Variants in MIB2 observed in about 807,000 individuals in gnomAD.
The protein encoded by MIB2 is E3 ubiquitin-protein ligase MIB2.
MIB2 carries 78 observed loss-of-function variants against 96.6 expected under a neutral mutation model. The observed-to-expected ratio is 0.81, with a 90% CI of 0.67 to 0.97. MIB2 has a LOEUF of 0.97. Ranked by LOEUF, MIB2 falls within the 50% of genes least tolerant of loss-of-function variation. The probability of loss-of-function intolerance (pLI) is 0.00; values close to 1 mark genes in which losing one functional copy is unlikely to be tolerated. For missense variants in MIB2, 1,543 were observed against 1,424.0 expected (o/e 1.08, Z -1.35); for synonymous variants, 820 against 629.5 (o/e 1.30, Z -4.53).
rs1638703312 is a variant in MIB2 at position 1,630,469 on chromosome 1, C to T, written c.2807C>T (p.Ala936Val). 2 of 1,594,070 alleles carry T rather than the reference C, an allele frequency of 1.3e-6. No individual in the cohort carries two copies. The highest frequency in any genetic ancestry group is 1.3e-5 in the African/African-American group (1 of 74,376). The change falls in exon 20 of 20, where the codon GCG becomes GTG. Residue 936 changes from alanine to valine, a missense_variant. Coordinates refer to ENST00000355826, the MANE Select transcript of MIB2 (RefSeq NM_001170687.4). ...GHGACAPCGS[A>V]LSACPICRQP... ...GGCGCATGCGCCCCCTGCGGCTCCG[C>T]GCTCAGCGCCTGCCCCATCTGCCGC...
In MIB2 at chr1:1,626,935, G is replaced by A. The variant is rs943117674; in HGVS notation, c.1176G>A (p.Leu392=). The A allele has an allele frequency of 6.2e-7, 1 of 1,610,754 alleles. No homozygotes were observed. Among genetic ancestry groups the A allele is most frequent in the Non-Finnish European group, 8.5e-7 (1 of 1,179,520 alleles). Residue 392 remains leucine, a synonymous_variant, in exon 10 of 20, where the codon CTG becomes CTA. Coordinates refer to ENST00000355826, the MANE Select transcript of MIB2 (RefSeq NM_001170687.4). This position sits in a 1 kb window ranked among gnomAD's most constrained non-coding sequence, Gnocchi z 5.3. The part of the protein sequence containing the change: ...GQRWTFSPSC[L]VAYRPEEDAN... Reference sequence around the variant, plus strand: ...GGTGGACCTTCAGCCCCTCCTGCCTGGTGGCCTACCGGCCCGAGGAGGATG... The same window carrying A: ...GGTGGACCTTCAGCCCCTCCTGCCTAGTGGCCTACCGGCCCGAGGAGGATG...
At chr1:1,615,269 G>C, upstream of MIB2, 1 of 1,209,972 alleles carries the variant, frequency 8.3e-7, no homozygotes, top group Non-Finnish European at 1.1e-6. Flanking sequence ...CAGTGCCAGC[G>C]AGCGCGACGT....
In MIB2 at chr1:1,627,421, G is replaced by A. The variant is rs543582613; in HGVS notation, c.1500G>A (p.Thr500=). ...ACCTGCCGGACGACGAGGGCAACAC[G>A]GCACTGCACTACGCGGCCCTGGGGT... is the stretch of plus-strand genomic sequence containing the variant. The part of the protein sequence containing the change: ...GVDLPDDEGN[T]ALHYAALGNQ... Residue 500 remains threonine (T), a synonymous_variant, in exon 12 of 20, where the codon ACG becomes ACA. Coordinates refer to ENST00000355826, the MANE Select transcript of MIB2 (RefSeq NM_001170687.4). 51 of 1,612,540 alleles carry A rather than the reference G, an allele frequency of 3.2e-5. No individual in the cohort carries two copies. The East Asian group carries it at 7.4e-4, about 23-fold the overall frequency.
chr1:1,625,934 G>A lies in MIB2; in HGVS notation c.972+281G>A, dbSNP rs1644718101. The A allele has an allele frequency of 1.2e-5, 6 of 520,456 alleles. No individual in the cohort carries two copies. Among genetic ancestry groups the A allele is most frequent in the East Asian group, 3.2e-5 (1 of 31,114 alleles). The allele number at this position is 520,456 out of a possible 1,614,324, so 32.2% of individuals were successfully genotyped here. Reference sequence around the variant, plus strand: ...GACACCAGGAAGGCAGGACAGCTTCGTGGGCGGGAGGGAGGCGGCTGGGCT... The same window carrying A: ...GACACCAGGAAGGCAGGACAGCTTCATGGGCGGGAGGGAGGCGGCTGGGCT... On this transcript the variant is annotated intron_variant, in intron 8 of 19. Coordinates refer to ENST00000355826, the MANE Select transcript of MIB2 (RefSeq NM_001170687.4). This position sits in a 1 kb window ranked among gnomAD's most constrained non-coding sequence, Gnocchi z 5.0.
In MIB2 at chr1:1,628,174, C is replaced by T. The variant is rs755312692; in HGVS notation, c.1836C>T (p.His612=). Residue 612 remains histidine (H), a synonymous_variant, in exon 14 of 20, where the codon CAC becomes CAT. Coordinates refer to ENST00000355826, the MANE Select transcript of MIB2 (RefSeq NM_001170687.4). ...TLLHHASLKG[H]ALAVRKILAR... ...TGCACCATGCCTCCCTCAAGGGTCA[C>T]GCGCTGTGAGTGTGGGGTGGGCACA... The T allele has an allele frequency of 3.7e-6, 6 of 1,613,236 alleles. No individual in the cohort carries two copies. The highest frequency in any genetic ancestry group is 2.2e-5 in the South Asian group (2 of 91,086).
rs1220267888 is a variant in MIB2, at chr1:1,628,171, T to C, written c.1833T>C (p.Gly611=). The C allele has an allele frequency of 1.2e-6, 2 of 1,613,054 alleles. No homozygotes were observed. The highest frequency in any genetic ancestry group is 8.5e-7 in the Non-Finnish European group (1 of 1,179,944). The change falls in exon 14 of 20, where the codon GGT becomes GGC. Residue 611 remains glycine, a synonymous_variant. Coordinates refer to ENST00000355826, the MANE Select transcript of MIB2 (RefSeq NM_001170687.4). ...FTLLHHASLK[G]HALAVRKILA... ...TGCTGCACCATGCCTCCCTCAAGGG[T>C]CACGCGCTGTGAGTGTGGGGTGGGC... is the stretch of plus-strand genomic sequence containing the variant.
At chr1:1,623,319 C>G (rs944300164) in intron 2 of MIB2, 112 bp from the exon 3 acceptor site, 2 of 1,473,130 alleles carry the variant, frequency 1.4e-6, no homozygotes, top group South Asian at 2.7e-5. Flanking sequence ...TTGGGCCTCT[C>G]TGCTCTCCCG....
intron 19 of MIB2, among the ~76,000 whole-genome samples, chr1:1,629,947 G>A (rs1343798400): frequency 2.9e-5 from 3 of 103,142 alleles, no homozygotes; most frequent in Non-Finnish European, 5.9e-5. Context: ...CCCCAGCCCC[G>A]CTGGATTTCA....
rs956138036 is a variant in MIB2 at position 1,629,310 on chromosome 1, C to T, written c.2380C>T (p.Arg794Trp). 3.4e-6 allele frequency: 5 copies of T among 1,489,820 alleles called. No homozygotes were observed. Among genetic ancestry groups the T allele is most frequent in the African/African-American group, 2.9e-5 (2 of 68,048 alleles). The allele number at this position is 1,489,820 out of a possible 1,614,324, so 92.3% of individuals were successfully genotyped here. A position where few individuals can be genotyped will look rare whatever the true frequency, so the allele number is the denominator to read the frequency against. Residue 794 changes from arginine (R) to tryptophan (W), a missense_variant and splice_region_variant, in exon 17 of 20, where the codon CGG becomes TGG. Transcript: ENST00000355826. Reference sequence around the variant, plus strand: ...CCTTCAGGGCTGCGCCCAGCGCTTCCGGTGAGTCCGTGGACGGCGGGGATG... The same window carrying T: ...CCTTCAGGGCTGCGCCCAGCGCTTCTGGTGAGTCCGTGGACGGCGGGGATG... ...KALQGCAQRF[R>W]ERQAGGGAAP...
rs754607264 is a variant in MIB2 at position 1,625,597 on chromosome 1, C to T, written c.916C>T (p.Arg306Cys). 15 of 1,582,172 alleles carry T rather than the reference C, an allele frequency of 9.5e-6. No homozygotes were observed. Among genetic ancestry groups the T allele is most frequent in the East Asian group, 4.6e-5 (2 of 43,094 alleles). ...VHRITDRGDVRVQFNHETRWT... is the reference protein window; with the variant it reads ...VHRITDRGDVCVQFNHETRWT... ...TCGTATCACGGACCGCGGGGACGTG[C>T]GCGTGCAGTTCAACCACGAGACGCG... Residue 306 changes from arginine to cysteine, a missense_variant, in exon 8 of 20, where the codon CGC (arginine) becomes TGC (cysteine). Transcript: ENST00000355826. The surrounding 1 kb of genome is among the most constrained non-coding windows in gnomAD (Gnocchi z 5.0).
rs1221751113 is a variant in MIB2 at position 1,625,543 on chromosome 1, C to A, written c.865-3C>A. 1.9e-6 allele frequency: 3 copies of A among 1,574,652 alleles called. No homozygotes were observed. Among genetic ancestry groups the A allele is most frequent in the Non-Finnish European group, 2.6e-6 (3 of 1,160,036 alleles). ...CCAGCCACAGCTCCATGACCCGCCA[C>A]AGTTTATCGGACAGACGGGCACCGT... On this transcript the variant is annotated splice_polypyrimidine_tract_variant and splice_region_variant and intron_variant, in intron 7 of 19. Transcript: ENST00000355826. This position sits in a 1 kb window ranked among gnomAD's most constrained non-coding sequence, Gnocchi z 5.0.
chr1:1,628,284 A>G lies in MIB2; in HGVS notation c.1853A>G (p.Lys618Arg), dbSNP rs778568645. 1.2e-6 allele frequency: 2 copies of G among 1,613,070 alleles called. No individual in the cohort carries two copies. The highest frequency in any genetic ancestry group is 4.5e-5 in the East Asian group (2 of 44,884). The change falls in exon 15 of 20, where the codon AAG becomes AGG. Residue 618 changes from lysine to arginine, a missense_variant. Coordinates refer to ENST00000355826, the MANE Select transcript of MIB2 (RefSeq NM_001170687.4). ...TCCCTGCTCCACAGAGCTGTGAGAA[A>G]GATTCTGGCTCGGGCGCGGCAGCTG... is the stretch of plus-strand genomic sequence containing the variant. ...SLKGHALAVRKILARARQLVD... is the reference protein window; with the variant it reads ...SLKGHALAVRRILARARQLVD...
At chr1:1,620,396 C>G (rs1054261103) in intron 2 of MIB2, among the ~76,000 whole-genome samples, 1 of 152,158 alleles carries the variant, frequency 6.6e-6, no homozygotes, top group Non-Finnish European at 1.5e-5. Context: ...GACCTCCAGT[C>G]GGTTCTGCGG....
At chr1:1,624,028 C>T (rs1272805996) in intron 4 of MIB2, 83 bp downstream of exon 4, 1 of 1,442,122 alleles carries the variant, frequency 6.9e-7, no homozygotes, top group African/African-American at 1.4e-5. Context: ...GAGGGTGCTG[C>T]CTCCTGACCG....
chr1:1,628,260 C>A lies in MIB2; in HGVS notation c.1842-13C>A. On this transcript the variant is annotated splice_polypyrimidine_tract_variant and intron_variant, in intron 14 of 19. Transcript: ENST00000355826. ...GCAGTCCCAGGTCCCAGACCAACCTCCCTGCTCCACAGAGCTGTGAGAAAG... is the reference window on the plus strand; with the variant it reads ...GCAGTCCCAGGTCCCAGACCAACCTACCTGCTCCACAGAGCTGTGAGAAAG... 1 of 1,612,986 alleles carries A rather than the reference C, an allele frequency of 6.2e-7. No individual in the cohort carries two copies. Among genetic ancestry groups the A allele is most frequent in the Non-Finnish European group, 8.5e-7 (1 of 1,179,920 alleles).
upstream of MIB2, chr1:1,615,441 C>T: frequency 6.6e-7 from 1 of 1,504,604 alleles, no homozygotes; most frequent in Non-Finnish European, 8.8e-7. Context: ...CTGCCCATCC[C>T]CGTGGCGGGG....
chr1:1,615,740 A>T (rs1643556117), intron 1 of MIB2, 107 bp downstream of exon 1: 2 of 1,479,338 alleles, frequency 1.4e-6, no homozygotes, highest in African/African-American at 1.5e-5. Context: ...CCGCTGGCCC[A>T]GCAGCCCCGG....
Position 1,627,402 on chromosome 1 carries a change from C to A in MIB2, c.1481C>A (p.Pro494Gln). 6.2e-7 allele frequency: 1 copy of A among 1,612,950 alleles called. No homozygotes were observed. The highest frequency in any genetic ancestry group is 8.5e-7 in the Non-Finnish European group (1 of 1,179,920). Residue 494 changes from proline (P) to glutamine (Q), a missense_variant, in exon 12 of 20, where the codon CCG (proline) becomes CAG (glutamine). Physicochemically the swap from Pro to Gln is moderately conservative, Grantham distance 76. Transcript: ENST00000355826. ...LLQARAGVDL[P>Q]DDEGNTALHY... Reference sequence around the variant, plus strand: ...CAAGCCAGGGCGGGCGTGGACCTGCCGGACGACGAGGGCAACACGGCACTG... The same window carrying A: ...CAAGCCAGGGCGGGCGTGGACCTGCAGGACGACGAGGGCAACACGGCACTG...
intron 2 of MIB2, among the ~76,000 whole-genome samples, chr1:1,621,817 A>C (rs987548959): frequency 6.6e-6 from 1 of 152,126 alleles, no homozygotes; most frequent in Non-Finnish European, 1.5e-5. Context: ...ACGGATCGGG[A>C]GCCCAGCCCT....
Sources: gnomAD v4.1 joint callset for allele counts (sites outside exome capture counted in the v4.1 genomes callset) on GRCh38, gnomAD v4.1.1 for gene constraint, Gnocchi (gnomAD v3.1) non-coding constraint, MANE v1.5 for transcripts, NCBI Gene and HGNC (gene_info 2026-07-23, HGNC 2026-07-21) for gene names.